Variants in AHRR observed in about 807,000 individuals in gnomAD.
AHRR encodes the protein ahR repressor.
Under a neutral mutation model 44.0 loss-of-function variants are expected in AHRR, and 28 were observed. That is an observed-to-expected ratio of 0.64 (90% CI 0.47 to 0.87). The LOEUF is 0.87. Ranked by LOEUF, AHRR falls within the 40% of genes least tolerant of loss-of-function variation. The pLI is 0.00. For missense variants in AHRR, 990 were observed against 953.9 expected (o/e 1.04, Z -0.50); for synonymous variants, 434 against 407.0 (o/e 1.07, Z -0.80).
At chr5:414,274 T>C (rs565972996) in intron 5 of AHRR, among the ~76,000 whole-genome samples, 1 of 150,422 alleles carries the variant, frequency 6.6e-6, no homozygotes, top group East Asian at 1.9e-4. Context: ...AAAATAAAAA[T>C]AAAAAATAAA....
rs1256977998 is a variant in AHRR, at chr5:419,695, C to A, written c.442-3034C>A. Among the ~76,000 whole-genome samples, 1 of 152,128 alleles carries A rather than the reference C, an allele frequency of 6.6e-6. No homozygotes were observed. Among genetic ancestry groups the A allele is most frequent in the Non-Finnish European group, 1.5e-5 (1 of 68,026 alleles). ...GTGCCCGGCTCTTACTGCACAGGGA[C>A]CAACAGGCCGGCCCATAAGAGCTGA... On this transcript the variant is annotated intron_variant, in intron 5 of 10. Transcript: ENST00000684583. The surrounding 1 kb of genome is among the most constrained non-coding windows in gnomAD (Gnocchi z 4.4).
rs988842386 is a variant in AHRR, at chr5:342,093, T to G, written c.-10-1800T>G. Among the ~76,000 whole-genome samples, 4 of 152,230 alleles carry G rather than the reference T, an allele frequency of 2.6e-5. No homozygotes were observed. The highest frequency in any genetic ancestry group is 9.6e-5 in the African/African-American group (4 of 41,472). On this transcript the variant is annotated intron_variant, in intron 1 of 10. Transcript: ENST00000684583. This position sits in a 1 kb window ranked among gnomAD's most constrained non-coding sequence, Gnocchi z 4.3. The stretch of plus-strand genomic sequence containing the variant: ...TTTTTAAAAAAATTGTTAAGGATAG[T>G]TTTAAGTCCCAGAATATGGTCTGTC...
intron 4 of AHRR, among the ~76,000 whole-genome samples, chr5:390,088 G>T (rs1734349568): frequency 6.6e-6 from 1 of 152,108 alleles, no homozygotes; most frequent in Non-Finnish European, 1.5e-5. Context: ...AGGCCGGAAA[G>T]GACAGAAACA....
intron 4 of AHRR, among the ~76,000 whole-genome samples, chr5:393,927 C>G (rs2126479088): frequency 6.6e-6 from 1 of 152,322 alleles, no homozygotes; most frequent in Admixed American, 6.5e-5. Flanking sequence ...TGCGCCCGGC[C>G]TATTGCAGTG....
chr5:386,305 C>T (rs931873935), intron 4 of AHRR, among the ~76,000 whole-genome samples: 2 of 152,178 alleles, frequency 1.3e-5, no homozygotes, highest in African/African-American at 4.8e-5. Context: ...GGATAATGGG[C>T]CCAAAGCTGT....
chr5:403,081 G>GCT (rs1735087722), intron 4 of AHRR, among the ~76,000 whole-genome samples: 2 of 152,304 alleles, frequency 1.3e-5, no homozygotes, highest in African/African-American at 4.8e-5. Context: ...ACGCACTGTG[G>GCT]CTCGGATCCA....
chr5:400,430 C>T (rs1007952694), intron 4 of AHRR, among the ~76,000 whole-genome samples: 7 of 152,220 alleles, frequency 4.6e-5, no homozygotes, highest in Admixed American at 3.3e-4. Flanking sequence ...GCAGGTGCGC[C>T]GTTTCCTGAC....
chr5:398,990 C>T lies in AHRR; in HGVS notation c.352-14354C>T, dbSNP rs372018253. ...TCTCGAGGACCAAGCAGCCGCAGCT[C>T]CCGCTCAATGCCCACCTCTCGGCCT... On this transcript the variant is annotated intron_variant, in intron 4 of 10. Coordinates refer to ENST00000684583, the MANE Select transcript of AHRR (RefSeq NM_001377236.1). Among the ~76,000 whole-genome samples, 150 of 152,392 alleles carry T rather than the reference C, an allele frequency of 9.8e-4. 7 individuals carry two copies. In the East Asian group the frequency reaches 0.012, roughly 12 times the overall value.
Position 434,485 on chromosome 5 carries a change from T to A in AHRR, c.1745T>A (p.Val582Glu). The A allele has an allele frequency of 6.2e-7, 1 of 1,613,262 alleles. No individual in the cohort carries two copies. Among genetic ancestry groups the A allele is most frequent in the Non-Finnish European group, 8.5e-7 (1 of 1,179,986 alleles). ...ACAGAGCCAGACTCTCGGCAACAGG[T>A]GTACATCTCGCACCTGGGGCACGGC... ...LKTEPDSRQQ[V>E]YISHLGHGVR... Residue 582 changes from valine (V) to glutamate (E), a missense_variant, in exon 11 of 11, where the codon GTG becomes GAG. Physicochemically the swap from Val to Glu is moderately radical, Grantham distance 121 (BLOSUM62 -2). Transcript: ENST00000684583.
At chr5:346,236 A>G (rs1742674211) in intron 2 of AHRR, among the ~76,000 whole-genome samples, 1 of 152,224 alleles carries the variant, frequency 6.6e-6, no homozygotes, top group Admixed American at 6.5e-5. Context: ...GTTTATTCGT[A>G]AAATGTCTCC....
Position 388,158 on chromosome 5 carries a change from G to A in AHRR, c.351+11442G>A, listed in dbSNP as rs1222058374. Among the ~76,000 whole-genome samples, 3 of 152,164 alleles carry A rather than the reference G, an allele frequency of 2.0e-5. No individual in the cohort carries two copies. Among genetic ancestry groups the A allele is most frequent in the Non-Finnish European group, 4.4e-5 (3 of 68,016 alleles). ...GTTTGGAAGGAAATGAATTTTGGAG[G>A]ACACCACTCAGCCCAGTACCACTGT... On this transcript the variant is annotated intron_variant, in intron 4 of 10. Coordinates refer to ENST00000684583, the MANE Select transcript of AHRR (RefSeq NM_001377236.1). The surrounding 1 kb of genome is among the most constrained non-coding windows in gnomAD (Gnocchi z 5.2).
At chr5:349,394 G>A (rs1398797796) in intron 2 of AHRR, among the ~76,000 whole-genome samples, 2 of 152,090 alleles carry the variant, frequency 1.3e-5, no homozygotes, top group Non-Finnish European at 2.9e-5. Context: ...TGGCTAACAC[G>A]GTGAAACCCC....
chr5:378,602 G>T (rs1359624800), intron 4 of AHRR, among the ~76,000 whole-genome samples: 1 of 152,236 alleles, frequency 6.6e-6, no homozygotes. Flanking sequence ...GCTTCCCCTG[G>T]TGCACATCTT....
At chr5:396,401 C>T (rs1384411704) in intron 4 of AHRR, among the ~76,000 whole-genome samples, 11 of 152,132 alleles carry the variant, frequency 7.2e-5, no homozygotes, top group Non-Finnish European at 1.0e-4. Flanking sequence ...TCTGGGGGTA[C>T]TGAGGCGGGC....
rs1735969991 is a variant in AHRR, at chr5:419,412, C to T, written c.442-3317C>T. 2.0e-5 allele frequency among the ~76,000 whole-genome samples: 3 copies of T among 152,148 alleles called. No individual in the cohort carries two copies. Among genetic ancestry groups the T allele is most frequent in the South Asian group, 2.1e-4 (1 of 4,826 alleles). ...AAACTCCCAACCTCAAGTGATCTGC[C>T]CGCCTTGGCCTCCTAAAGTGCTGGG... On this transcript the variant is annotated intron_variant, in intron 5 of 10. Coordinates refer to ENST00000684583, the MANE Select transcript of AHRR (RefSeq NM_001377236.1). The surrounding 1 kb of genome is among the most constrained non-coding windows in gnomAD (Gnocchi z 4.4).
intron 1 of AHRR, among the ~76,000 whole-genome samples, chr5:327,769 C>CTATTT (rs992648580): frequency 9.7e-4 from 147 of 152,130 alleles, no homozygotes; most frequent in African/African-American, 1.9e-3. Context: ...AATAGCAGTT[C>CTATTT]TATTTTATTT....
At chr5:328,357 T>A (rs1741795342) in intron 1 of AHRR, among the ~76,000 whole-genome samples, 1 of 135,028 alleles carries the variant, frequency 7.4e-6, no homozygotes, top group African/African-American at 2.7e-5. Flanking sequence ...AACCTCTGCC[T>A]CCTGGGTTCA....
chr5:335,258 G>A (rs1276059535), intron 1 of AHRR, among the ~76,000 whole-genome samples: 1 of 152,182 alleles, frequency 6.6e-6, no homozygotes, highest in African/African-American at 2.4e-5. Context: ...CAGCCAGAGT[G>A]GTGTGGGCAA....
rs114527951 is a variant in AHRR, at chr5:321,888, C to G, written c.-11+69C>G. On this transcript the variant is annotated intron_variant, in intron 1 of 10. Transcript: ENST00000684583. The surrounding 1 kb of genome is among the most constrained non-coding windows in gnomAD (Gnocchi z 8.3). Reference sequence around the variant, plus strand: ...CCGCGGTGGAGACGGGATGCGCTCCCGGGTGTGGGGCTGAGGGACGGGCGC... The same window carrying G: ...CCGCGGTGGAGACGGGATGCGCTCCGGGGTGTGGGGCTGAGGGACGGGCGC... 6.6e-6 allele frequency: 1 copy of G among 151,968 alleles called. No homozygotes were observed. Among genetic ancestry groups the G allele is most frequent in the Non-Finnish European group, 1.5e-5 (1 of 67,968 alleles). The allele number at this position is 151,968 out of a possible 1,614,324, so 9.4% of individuals were successfully genotyped here. A position where few individuals can be genotyped will look rare whatever the true frequency, so the allele number is the denominator to read the frequency against.
Sources: allele counts gnomAD v4.1 joint callset (sites outside exome capture counted in the v4.1 genomes callset), GRCh38; gene constraint gnomAD v4.1.1; non-coding constraint Gnocchi (gnomAD v3.1); transcripts MANE v1.5; gene names NCBI Gene and HGNC (gene_info 2026-07-23, HGNC 2026-07-21).